TICAM2: variants seen among roughly 807,000 people sequenced by gnomAD.
TICAM2 encodes TIR domain containing adaptor molecule 2, also known as TIR domain-containing adapter molecule 2.
TICAM2 carries 8 observed loss-of-function variants against 7.3 expected under a neutral mutation model. The observed-to-expected ratio is 1.10, with a 90% CI of 0.65 to 1.99. The LOEUF (loss-of-function observed/expected upper bound fraction) is 1.99, where lower values mean the gene tolerates loss of function less well. Ranked by LOEUF, TICAM2 falls within the 30% of genes most tolerant of loss-of-function variation. TICAM2 has a pLI of 0.00. For missense variants in TICAM2, 304 were observed against 278.8 expected, an observed-to-expected ratio of 1.09 and a Z score of -0.65; for synonymous variants, 113 against 99.6, an observed-to-expected ratio of 1.13 and a Z score of -0.80.
At chr5:115,587,544 C>CA in intron 1 of TICAM2, among the ~76,000 whole-genome samples, 1 of 152,272 alleles carries the variant, frequency 6.6e-6, no homozygotes, top group South Asian at 2.1e-4. Context: ...GGTGAGAAAG[C>CA]AGAGCCCCAA....
At chr5:115,599,808 G>C (rs1271036095) in intron 1 of TICAM2, among the ~76,000 whole-genome samples, 1 of 152,026 alleles carries the variant, frequency 6.6e-6, no homozygotes. Context: ...TCAGGGACTA[G>C]ATCACACAGG....
rs1354425205 is a variant in TICAM2 at position 115,578,696 on chromosome 5, C to T, written c.*1853G>A. 6.6e-6 allele frequency: 1 copy of T among 152,076 alleles called. No individual in the cohort carries two copies. 9.4% of individuals were successfully genotyped at this position (152,076 alleles called of 1,614,324 possible). A position where few individuals can be genotyped will look rare whatever the true frequency, so the allele number is the denominator to read the frequency against. The stretch of plus-strand genomic sequence containing the variant: ...TAAAAATACCATTTAGCATCAATTG[C>T]CCCAAGTTTGGCAGGCATGAAGAGT... On this transcript the variant is annotated 3_prime_UTR_variant, in exon 2 of 2. Coordinates refer to ENST00000427199, the MANE Select transcript of TICAM2 (RefSeq NM_021649.7).
chr5:115,600,820 G>C (rs557495342), intron 1 of TICAM2, among the ~76,000 whole-genome samples: 1 of 152,258 alleles, frequency 6.6e-6, no homozygotes, highest in South Asian at 2.1e-4. Flanking sequence ...ATTTTTGTTT[G>C]TTATAAAAAG....
chr5:115,581,639 C>T (rs567515543), intron 1 of TICAM2: 24 of 233,224 alleles, frequency 1.0e-4, no homozygotes, highest in African/African-American at 1.6e-4. Flanking sequence ...GGTACCATAC[C>T]GCTTTATCTT....
chr5:115,591,266 G>C (rs2127200166), intron 1 of TICAM2, among the ~76,000 whole-genome samples: 1 of 152,278 alleles, frequency 6.6e-6, no homozygotes, highest in African/African-American at 2.4e-5. Flanking sequence ...GTGTGCTTTG[G>C]GTTGGGACCC....
At chr5:115,595,536 T>C (rs1755478876) in intron 1 of TICAM2, among the ~76,000 whole-genome samples, 1 of 152,244 alleles carries the variant, frequency 6.6e-6, no homozygotes, top group Non-Finnish European at 1.5e-5. Flanking sequence ...CTCCAGTCTC[T>C]TTCCCTTTAC....
chr5:115,583,779 T>C (rs960752971), intron 1 of TICAM2, among the ~76,000 whole-genome samples: 5 of 152,156 alleles, frequency 3.3e-5, no homozygotes, highest in African/African-American at 1.2e-4. Context: ...AAAAGGGCTC[T>C]ACTGGAACAA....
chr5:115,595,099 C>A (rs1045599108), intron 1 of TICAM2, among the ~76,000 whole-genome samples: 17 of 152,072 alleles, frequency 1.1e-4, no homozygotes, highest in African/African-American at 4.1e-4. Context: ...TACAGTCATT[C>A]CCTCTGTTGA....
chr5:115,596,636 T>C (rs947140608), intron 1 of TICAM2, among the ~76,000 whole-genome samples: 4 of 152,102 alleles, frequency 2.6e-5, no homozygotes, highest in East Asian at 3.9e-4. Context: ...AACCAGAACC[T>C]TGGCTGGGCG....
intron 1 of TICAM2, among the ~76,000 whole-genome samples, chr5:115,588,278 C>G (rs956280529): frequency 5.3e-5 from 8 of 152,212 alleles, no homozygotes; most frequent in African/African-American, 4.8e-5. Context: ...ACTGGGTAAG[C>G]TCTGTCTCTC....
chr5:115,586,858 T>A (rs868533446), intron 1 of TICAM2, among the ~76,000 whole-genome samples: 15 of 152,212 alleles, frequency 9.9e-5, no homozygotes, highest in African/African-American at 3.4e-4. Context: ...GAAGCCAGGA[T>A]AATTAAACAA....
intron 1 of TICAM2, among the ~76,000 whole-genome samples, chr5:115,597,171 T>A (rs150684414): frequency 2.6e-4 from 40 of 152,362 alleles, no homozygotes; most frequent in African/African-American, 8.9e-4. Flanking sequence ...ATGGCACACA[T>A]ATTCCCACTG....
At chr5:115,586,011 G>A (rs1755090692) in intron 1 of TICAM2, among the ~76,000 whole-genome samples, 1 of 152,190 alleles carries the variant, frequency 6.6e-6, no homozygotes, top group African/African-American at 2.4e-5. Flanking sequence ...TGCTGATGAT[G>A]TTGACTAGGC....
chr5:115,584,172 T>C (rs934790358), intron 1 of TICAM2, among the ~76,000 whole-genome samples: 6 of 152,192 alleles, frequency 3.9e-5, no homozygotes, highest in Non-Finnish European at 5.9e-5. Flanking sequence ...TTTCCTTTTT[T>C]CAAAAATGTC....
At chr5:115,591,898 T>G (rs996305330) in intron 1 of TICAM2, among the ~76,000 whole-genome samples, 1 of 152,114 alleles carries the variant, frequency 6.6e-6, no homozygotes, top group Non-Finnish European at 1.5e-5. Flanking sequence ...CTTTGCAATA[T>G]TGAAGAAAAA....
intron 1 of TICAM2, among the ~76,000 whole-genome samples, chr5:115,599,332 T>C (rs1755629411): frequency 6.6e-6 from 1 of 152,150 alleles, no homozygotes; most frequent in Non-Finnish European, 1.5e-5. Context: ...TTACATATTC[T>C]TTTTAGTGAA....
rs1638432661 is a variant in TICAM2 at position 115,584,701 on chromosome 5, A to G, written c.-59-3386T>C. The stretch of plus-strand genomic sequence containing the variant: ...AAAAACTACCAATTACTGTTGACCA[A>G]AGCCCAACAGAGTGAATCATATCCA... On this transcript the variant is annotated intron_variant, in intron 1 of 1. Transcript: ENST00000427199. 2.6e-5 allele frequency among the ~76,000 whole-genome samples: 4 copies of G among 152,198 alleles called. No homozygotes were observed. In the South Asian group the frequency reaches 8.3e-4, roughly 31 times the overall value.
At chr5:115,591,865 T>C (rs958008380) in intron 1 of TICAM2, among the ~76,000 whole-genome samples, 1 of 152,170 alleles carries the variant, frequency 6.6e-6, no homozygotes, top group African/African-American at 2.4e-5. Flanking sequence ...AGCAAAGCAG[T>C]AATTTAAGAG....
In TICAM2 at chr5:115,581,202, T is replaced by C; in HGVS notation, c.55A>G (p.Lys19Glu). Residue 19 changes from lysine to glutamate, a missense_variant, in exon 2 of 2, where the codon AAA becomes GAA. Lys to Glu is a moderately conservative substitution (Grantham distance 56). Transcript: ENST00000427199. The part of the protein sequence containing the change: ...NSCPLSLSWG[K>E]RHSVDTSPGY... ...GGACTTGTATCCACACTGTGCCTTTTACCCCAAGAGAGAGAAAGAGGGCAG... is the reference window on the plus strand; with the variant it reads ...GGACTTGTATCCACACTGTGCCTTTCACCCCAAGAGAGAGAAAGAGGGCAG... 1 of 1,612,944 alleles carries C rather than the reference T, an allele frequency of 6.2e-7. No individual in the cohort carries two copies. The highest frequency in any genetic ancestry group is 1.1e-5 in the South Asian group (1 of 91,010).
Sources: gnomAD v4.1 joint callset for allele counts (sites outside exome capture counted in the v4.1 genomes callset) on GRCh38, gnomAD v4.1.1 for gene constraint, MANE v1.5 for transcripts, NCBI Gene and HGNC (gene_info 2026-07-23, HGNC 2026-07-21) for gene names.